The following CFAP157 variants were observed in gnomAD, a reference collection of about 807,000 sequenced individuals.
CFAP157 encodes the protein cilia and flagella associated protein 157.
Under a neutral mutation model 57.8 loss-of-function variants are expected in CFAP157, and 43 were observed. The observed-to-expected ratio is 0.74, with a 90% CI of 0.58 to 0.96. The LOEUF (loss-of-function observed/expected upper bound fraction) is 0.96, where lower values mean the gene tolerates loss of function less well. Ranked by LOEUF, CFAP157 falls within the 40% of genes least tolerant of loss-of-function variation. The pLI is 0.00. For missense variants in CFAP157, 606 were observed against 655.3 expected, an observed-to-expected ratio of 0.92 and a Z score of 0.82; for synonymous variants, 267 against 269.0, an observed-to-expected ratio of 0.99 and a Z score of 0.07.
intron 6 of CFAP157, 140 bp from the exon 7 acceptor site, chr9:127,712,569 A>G (rs1842790925): frequency 6.5e-7 from 1 of 1,550,354 alleles, no homozygotes; most frequent in Non-Finnish European, 8.7e-7. Context: ...CTTGGGCCTC[A>G]GTCTTCCCGA....
At chr9:127,711,798 G>A (rs1435980385) in intron 4 of CFAP157, 22 bp from the exon 5 acceptor site, 3 of 1,551,124 alleles carry the variant, frequency 1.9e-6, no homozygotes, top group Non-Finnish European at 1.7e-6. Flanking sequence ...CTGAGGGCAT[G>A]GCCACCTGTC....
chr9:127,714,421 G>A lies in CFAP157; in HGVS notation c.*516G>A. On this transcript the variant is annotated 3_prime_UTR_variant, in exon 9 of 9. Coordinates refer to ENST00000373295, the MANE Select transcript of CFAP157 (RefSeq NM_001012502.3). ...TAATGCAGGAACGGACTCCATTGTG[G>A]CCCCTTCAAGGGATATGGGAGGGGC... The A allele has an allele frequency of 1.9e-6, 3 of 1,614,180 alleles. No individual in the cohort carries two copies. Among genetic ancestry groups the A allele is most frequent in the Non-Finnish European group, 1.7e-6 (2 of 1,179,998 alleles).
At position 127,714,580 on chromosome 9, in the gene CFAP157, C is replaced by A. The variant is rs528184797; in HGVS notation, c.*675C>A. ...TGGGAGGCCTGAAGCCCTATCCCAA[C>A]CCTGACCATCTCAGGACCTCACCTG... On this transcript the variant is annotated 3_prime_UTR_variant, in exon 9 of 9. Coordinates refer to ENST00000373295, the MANE Select transcript of CFAP157 (RefSeq NM_001012502.3). 1.2e-5 allele frequency: 19 copies of A among 1,609,930 alleles called. No individual in the cohort carries two copies. In the South Asian group the frequency reaches 1.8e-4, roughly 15 times the overall value.
Position 127,709,897 on chromosome 9 carries a change from G to A in CFAP157, c.433+204G>A, listed in dbSNP as rs577956620. Reference sequence around the variant, plus strand: ...GAAGCACCTCAAAAGATGAAGTGTCGTGACCAAGGTCCCCCAGTTGGCAAG... The same window carrying A: ...GAAGCACCTCAAAAGATGAAGTGTCATGACCAAGGTCCCCCAGTTGGCAAG... On this transcript the variant is annotated intron_variant, in intron 2 of 8. Transcript: ENST00000373295. This position sits in a 1 kb window ranked among gnomAD's most constrained non-coding sequence, Gnocchi z 4.7. Among the ~76,000 whole-genome samples the A allele has an allele frequency of 4.1e-4, 63 of 152,286 alleles. No homozygotes were observed. The highest frequency in any genetic ancestry group is 1.3e-3 in the East Asian group (7 of 5,188).
Position 127,714,064 on chromosome 9 carries a change from G to C in CFAP157, c.*159G>C, listed in dbSNP as rs768046728. On this transcript the variant is annotated 3_prime_UTR_variant, in exon 9 of 9. Coordinates refer to ENST00000373295, the MANE Select transcript of CFAP157 (RefSeq NM_001012502.3). ...TCTGTGGCAGTGGCTGGGTTGGTGGGCACTACAGTCAGGCAGGCAGCCATG... is the reference window on the plus strand; with the variant it reads ...TCTGTGGCAGTGGCTGGGTTGGTGGCCACTACAGTCAGGCAGGCAGCCATG... 5 of 1,603,450 alleles carry C rather than the reference G, an allele frequency of 3.1e-6. 1 individual carries two copies. In the Admixed American group the frequency reaches 8.6e-5, roughly 27 times the overall value.
In CFAP157 at chr9:127,709,482, G is replaced by A; in HGVS notation, c.222G>A (p.Glu74=). 6.2e-7 allele frequency: 1 copy of A among 1,614,038 alleles called. No homozygotes were observed. The highest frequency in any genetic ancestry group is 8.5e-7 in the Non-Finnish European group (1 of 1,180,006). Reference sequence around the variant, plus strand: ...AGAAGATGTTCCGCCAGGAGTTTGAGCAGCTGGCCAATAACAAGAAGGAGA... The same window carrying A: ...AGAAGATGTTCCGCCAGGAGTTTGAACAGCTGGCCAATAACAAGAAGGAGA... ...VQEKMFRQEF[E]QLANNKKEIV... is the part of the protein sequence containing the mutation. Residue 74 remains glutamate (E), a synonymous_variant, in exon 2 of 9, where the codon GAG becomes GAA. Transcript: ENST00000373295. The surrounding 1 kb of genome is among the most constrained non-coding windows in gnomAD (Gnocchi z 4.7).
At position 127,714,670 on chromosome 9, in the gene CFAP157, A is replaced by G; in HGVS notation, c.*765A>G. 2 of 1,613,802 alleles carry G rather than the reference A, an allele frequency of 1.2e-6. No homozygotes were observed. Among genetic ancestry groups the G allele is most frequent in the Non-Finnish European group, 1.7e-6 (2 of 1,179,866 alleles). ...TTGTCCAGCTCATCATGCACCAGGT[A>G]GACTTCCTCGGCAGTCAGCCCAAAC... is the stretch of plus-strand genomic sequence containing the variant. On this transcript the variant is annotated 3_prime_UTR_variant, in exon 9 of 9. Coordinates refer to ENST00000373295, the MANE Select transcript of CFAP157 (RefSeq NM_001012502.3).
Position 127,707,056 on chromosome 9 carries a change from A to G in CFAP157, c.25A>G (p.Lys9Glu). Residue 9 changes from lysine (K) to glutamate (E), a missense_variant, in exon 1 of 9, where the codon AAG becomes GAG. Coordinates refer to ENST00000373295, the MANE Select transcript of CFAP157 (RefSeq NM_001012502.3). MAPKKSVS[K>E]AGKELEVKKK... ...CATGGCTCCCAAAAAGAGTGTGAGC[A>G]AGGCAGGCAAGGAGCTTGAAGTCAA... 6.2e-7 allele frequency: 1 copy of G among 1,613,988 alleles called. No individual in the cohort carries two copies.
chr9:127,714,924 C>CCCCCCCCCCCCCCCA lies in CFAP157; in HGVS notation c.*1019_*1020insCCCCCCCCCCCCCCA. The stretch of plus-strand genomic sequence containing the variant: ...GTGCTCCCCTCTGGCCCCCGCGCCC[C>CCCCCCCCCCCCCCCA]AACCCCCACCCCCTTGGCCCGCCCG... On this transcript the variant is annotated 3_prime_UTR_variant, in exon 9 of 9. Coordinates refer to ENST00000373295, the MANE Select transcript of CFAP157 (RefSeq NM_001012502.3). The CCCCCCCCCCCCCCCA allele has an allele frequency of 1.3e-5, 11 of 828,366 alleles. No individual in the cohort carries two copies. Among genetic ancestry groups the CCCCCCCCCCCCCCCA allele is most frequent in the African/African-American group, 3.5e-5 (2 of 57,934 alleles). The allele number at this position is 828,366 out of a possible 1,614,324, so 51.3% of individuals were successfully genotyped here.
In CFAP157 at chr9:127,714,941, G is replaced by GGCCCCCCCCCCCCCCCCCCCCCC; in HGVS notation, c.*1036_*1037insGCCCCCCCCCCCCCCCCCCCCCC. ...CCGCGCCCCAACCCCCACCCCCTTG[G>GGCCCCCCCCCCCCCCCCCCCCCC]CCCGCCCGCCCACCCCTGGCGCTCT... is the stretch of plus-strand genomic sequence containing the variant. On this transcript the variant is annotated 3_prime_UTR_variant, in exon 9 of 9. Coordinates refer to ENST00000373295, the MANE Select transcript of CFAP157 (RefSeq NM_001012502.3). 2.9e-5 allele frequency: 13 copies of GGCCCCCCCCCCCCCCCCCCCCCC among 446,376 alleles called. No homozygotes were observed. The highest frequency in any genetic ancestry group is 6.3e-5 in the South Asian group (3 of 47,490). The allele number at this position is 446,376 out of a possible 1,614,324, so 27.7% of individuals were successfully genotyped here.
intron 1 of CFAP157, among the ~76,000 whole-genome samples, chr9:127,707,769 T>G (rs900705799): frequency 6.6e-6 from 1 of 152,252 alleles, no homozygotes; most frequent in African/African-American, 2.4e-5. Flanking sequence ...CATGTTCACC[T>G]GCCCGTCATT....
intron 1 of CFAP157, among the ~76,000 whole-genome samples, chr9:127,708,123 C>A (rs990686036): frequency 6.6e-6 from 1 of 152,212 alleles, no homozygotes; most frequent in Non-Finnish European, 1.5e-5. Flanking sequence ...AGCCCCCACC[C>A]CTGAAATGCT....
chr9:127,715,566 C>A lies in CFAP157; in HGVS notation c.*1661C>A, dbSNP rs1371401176. 2 of 1,613,536 alleles carry A rather than the reference C, an allele frequency of 1.2e-6. No homozygotes were observed. The highest frequency in any genetic ancestry group is 1.7e-6 in the Non-Finnish European group (2 of 1,180,034). On this transcript the variant is annotated 3_prime_UTR_variant, in exon 9 of 9. Coordinates refer to ENST00000373295, the MANE Select transcript of CFAP157 (RefSeq NM_001012502.3). This position sits in a 1 kb window ranked among gnomAD's most constrained non-coding sequence, Gnocchi z 5.8. The stretch of plus-strand genomic sequence containing the variant: ...CACCATCCACCGCTTCCCCGGGGGG[C>A]GAGGCTCCAAAACACATCGGCTCAT...
Position 127,715,648 on chromosome 9 carries a change from C to T in CFAP157, c.*1743C>T, listed in dbSNP as rs367957409. On this transcript the variant is annotated 3_prime_UTR_variant, in exon 9 of 9. Transcript: ENST00000373295. This position sits in a 1 kb window ranked among gnomAD's most constrained non-coding sequence, Gnocchi z 5.8. The stretch of plus-strand genomic sequence containing the variant: ...AAGCCGCCCGGCCTCATGCTGCCCC[C>T]ATTCACTCCGACACCGCCCCCTGAC... 1.1e-5 allele frequency: 17 copies of T among 1,610,272 alleles called. No homozygotes were observed. Among genetic ancestry groups the T allele is most frequent in the Middle Eastern group, 1.6e-4 (1 of 6,078 alleles).
rs1842849788 is a variant in CFAP157, at chr9:127,714,272, C to T, written c.*367C>T. Reference sequence around the variant, plus strand: ...CGGGCGCCCGATACCCACCCGCAGCCTTGGCATTGCCTGTGGGAGAGCCAG... The same window carrying T: ...CGGGCGCCCGATACCCACCCGCAGCTTTGGCATTGCCTGTGGGAGAGCCAG... On this transcript the variant is annotated 3_prime_UTR_variant, in exon 9 of 9. Transcript: ENST00000373295. 6.2e-7 allele frequency: 1 copy of T among 1,613,958 alleles called. No homozygotes were observed. The highest frequency in any genetic ancestry group is 8.5e-7 in the Non-Finnish European group (1 of 1,179,926).
rs1842745354 is a variant in CFAP157 at position 127,710,684 on chromosome 9, C to T, written c.517C>T (p.Arg173Trp). Residue 173 changes from arginine (R) to tryptophan (W), a missense_variant, in exon 3 of 9, where the codon CGG (arginine) becomes TGG (tryptophan). Arg to Trp is a moderately radical substitution (Grantham distance 101). Coordinates refer to ENST00000373295, the MANE Select transcript of CFAP157 (RefSeq NM_001012502.3). The stretch of plus-strand genomic sequence containing the variant: ...GTTCACATTGCTGGAGGAGCAGGTG[C>T]GGAAGCAGGAGAATGAGTTCAGGGA... ...DKFTLLEEQV[R>W]KQENEFRDYA... The T allele has an allele frequency of 7.6e-6, 12 of 1,578,100 alleles. No individual in the cohort carries two copies. Among genetic ancestry groups the T allele is most frequent in the African/African-American group, 1.3e-5 (1 of 74,280 alleles).
Position 127,711,940 on chromosome 9 carries a change from C to A in CFAP157, c.976C>A (p.Gln326Lys). The change falls in exon 5 of 9, where the codon CAG becomes AAG. Residue 326 changes from glutamine (Q) to lysine (K), a missense_variant. Transcript: ENST00000373295. ...QRSLQLQVDN[Q>K]ALKSQRDQLS... ...ATCCCTGCAGCTGCAGGTGGATAACCAGGCACTGAAGTGCGTATGGCCCAC... is the reference window on the plus strand; with the variant it reads ...ATCCCTGCAGCTGCAGGTGGATAACAAGGCACTGAAGTGCGTATGGCCCAC... 6.2e-7 allele frequency: 1 copy of A among 1,606,168 alleles called. No homozygotes were observed. The highest frequency in any genetic ancestry group is 8.5e-7 in the Non-Finnish European group (1 of 1,177,714).
Position 127,709,507 on chromosome 9 carries a change from AT to A in CFAP157, c.249del (p.Ile83MetfsTer28). On this transcript the variant is annotated frameshift_variant, in exon 2 of 9. Coordinates refer to ENST00000373295, the MANE Select transcript of CFAP157 (RefSeq NM_001012502.3). LOFTEE classifies it high-confidence loss of function. The surrounding 1 kb of genome is among the most constrained non-coding windows in gnomAD (Gnocchi z 4.7). Reference protein sequence around the residue: ...FEQLANNKKEIVAFLKRTLNQ... With the variant: ...FEQLANNKKEXVAFLKRTLNQ... ...GCAGCTGGCCAATAACAAGAAGGAGATTGTGGCCTTCCTCAAGCGCACGCTC... is the reference window on the plus strand; with the variant it reads ...GCAGCTGGCCAATAACAAGAAGGAGATGTGGCCTTCCTCAAGCGCACGCTC... 1.2e-6 allele frequency: 2 copies of A among 1,614,018 alleles called. No homozygotes were observed. Among genetic ancestry groups the A allele is most frequent in the Non-Finnish European group, 1.7e-6 (2 of 1,180,008 alleles).
intron 6 of CFAP157, 42 bp downstream of exon 6, chr9:127,712,391 G>C: frequency 6.2e-7 from 1 of 1,607,488 alleles, no homozygotes; most frequent in Admixed American, 1.7e-5. Context: ...GGGAGGGGGA[G>C]TGAGCGCAAG....
Sources: gnomAD v4.1 joint callset for allele counts (sites outside exome capture counted in the v4.1 genomes callset) on GRCh38, gnomAD v4.1.1 for gene constraint, Gnocchi (gnomAD v3.1) non-coding constraint, MANE v1.5 for transcripts, NCBI Gene and HGNC (gene_info 2026-07-23, HGNC 2026-07-21) for gene names.